The following ANGEL1 variants were observed in gnomAD, a reference collection of about 807,000 sequenced individuals.
The protein encoded by ANGEL1 is angel homolog 1, also known as RNA 2',3'-cyclic phosphatase ANGEL1.
In ANGEL1, 62 loss-of-function variants were observed where a neutral mutation model predicts 76.4. The ratio of observed to expected loss-of-function variants is 0.81; its 90% CI spans 0.66 to 1.00. The LOEUF (loss-of-function observed/expected upper bound fraction) is 1.00, where lower values mean the gene tolerates loss of function less well. Among genes scored for constraint, ANGEL1 ranks in the 50% least tolerant of loss-of-function variants. The probability of loss-of-function intolerance (pLI) is 0.00; values close to 1 mark genes in which losing one functional copy is unlikely to be tolerated. For missense variants in ANGEL1, 737 were observed against 836.7 expected (o/e 0.88, Z 1.47); for synonymous variants, 340 against 331.7 (o/e 1.03, Z -0.27).
At position 76,802,963 on chromosome 14, in the gene ANGEL1, T is replaced by C. The variant is rs549436273; in HGVS notation, c.1618+408A>G. 3.9e-5 allele frequency among the ~76,000 whole-genome samples: 6 copies of C among 152,350 alleles called. No homozygotes were observed. The South Asian group carries it at 1.2e-3, about 32-fold the overall frequency. On this transcript the variant is annotated intron_variant, in intron 7 of 9. Coordinates refer to ENST00000251089, the MANE Select transcript of ANGEL1 (RefSeq NM_015305.4). ...GACAAGAAGGGGAGAATGTCAAGTATACTCTGCTATATTCAATCTGAAATT... is the reference window on the plus strand; with the variant it reads ...GACAAGAAGGGGAGAATGTCAAGTACACTCTGCTATATTCAATCTGAAATT...
chr14:76,806,387 C>G (rs1160926360), intron 5 of ANGEL1, 29 bp downstream of exon 5: 8 of 1,592,538 alleles, frequency 5.0e-6, no homozygotes, highest in Non-Finnish European at 6.9e-6. Context: ...ACCATGTTCC[C>G]ACCCACACCG....
At position 76,806,771 on chromosome 14, in the gene ANGEL1, C is replaced by T. The variant is rs1177944029; in HGVS notation, c.1025G>A (p.Arg342His). 3 of 1,614,066 alleles carry T rather than the reference C, an allele frequency of 1.9e-6. No individual in the cohort carries two copies. Among genetic ancestry groups the T allele is most frequent in the Non-Finnish European group, 2.5e-6 (3 of 1,180,046 alleles). Residue 342 changes from arginine (R) to histidine (H), a missense_variant, in exon 5 of 10, where the codon CGC becomes CAC. Around this residue, in one of 2 missense-constraint regions of ANGEL1, gnomAD observed 441 missense variants for 449.5 expected, o/e 0.98. Transcript: ENST00000251089. ...CAVCYKPTRF[R>H]LLCASPVEYF... ...CTCCACAGGGCTAGCACAGAGCAGG[C>T]GGAATCTGGTAGGCTTGTAGCAGAC... is the stretch of plus-strand genomic sequence containing the variant.
chr14:76,789,360 G>C lies in ANGEL1; in HGVS notation c.1881C>G (p.Leu627=), dbSNP rs763498682. Residue 627 remains leucine (L), a synonymous_variant, in exon 10 of 10, where the codon CTC becomes CTG. Transcript: ENST00000251089. ...TDHRLYRDGT[L]KLLGRLSLLS... Reference sequence around the variant, plus strand: ...GAAGGGAGAGACGACCCAGGAGCTTGAGAGTTCCATCTCGATACAGCCTGT... The same window carrying C: ...GAAGGGAGAGACGACCCAGGAGCTTCAGAGTTCCATCTCGATACAGCCTGT... The C allele has an allele frequency of 6.2e-7, 1 of 1,614,094 alleles. No homozygotes were observed. The highest frequency in any genetic ancestry group is 1.3e-5 in the African/African-American group (1 of 74,944).
Position 76,786,617 on chromosome 14 carries a change from G to C in ANGEL1, c.*2611C>G, listed in dbSNP as rs1267883184. 6.6e-6 allele frequency: 1 copy of C among 152,232 alleles called. No individual in the cohort carries two copies. Among genetic ancestry groups the C allele is most frequent in the African/African-American group, 2.4e-5 (1 of 41,448 alleles). 9.4% of individuals were successfully genotyped at this position (152,232 alleles called of 1,614,324 possible). A position where few individuals can be genotyped will look rare whatever the true frequency, so the allele number is the denominator to read the frequency against. Reference sequence around the variant, plus strand: ...CCTGTTCAGGTAAGACAGAAAACCAGATCTGGTTTCAGGGCTCCCAGTGGG... The same window carrying C: ...CCTGTTCAGGTAAGACAGAAAACCACATCTGGTTTCAGGGCTCCCAGTGGG... On this transcript the variant is annotated 3_prime_UTR_variant, in exon 10 of 10. Transcript: ENST00000251089.
At chr14:76,789,731 G>A (rs528203140) in intron 9 of ANGEL1, among the ~76,000 whole-genome samples, 1 of 139,372 alleles carries the variant, frequency 7.2e-6, no homozygotes, top group South Asian at 2.2e-4. Context: ...GTCTTACTTC[G>A]TTGTCCAGGC....
At chr14:76,808,292 T>C in intron 2 of ANGEL1, 144 bp from the exon 3 acceptor site, 1 of 699,386 alleles carries the variant, frequency 1.4e-6, no homozygotes, top group Non-Finnish European at 2.4e-6. Flanking sequence ...GGGGAATTGA[T>C]TTCTATGGAC....
intron 6 of ANGEL1, 22 bp from the exon 7 acceptor site, chr14:76,803,503 A>C (rs1048901615): frequency 6.2e-7 from 1 of 1,610,594 alleles, no homozygotes; most frequent in African/African-American, 1.3e-5. Flanking sequence ...GAAAAGACAT[A>C]TAGTGAAAGA....
rs1894319229 is a variant in ANGEL1, at chr14:76,788,984, C to T, written c.*244G>A. Reference sequence around the variant, plus strand: ...AAGGAAGGGGGAGCCCCCCTTCTGCCTCTCCCAGGGCCACTGAGTGTGTGG... The same window carrying T: ...AAGGAAGGGGGAGCCCCCCTTCTGCTTCTCCCAGGGCCACTGAGTGTGTGG... On this transcript the variant is annotated 3_prime_UTR_variant, in exon 10 of 10. Transcript: ENST00000251089. 1 of 460,826 alleles carries T rather than the reference C, an allele frequency of 2.2e-6. No homozygotes were observed. Among genetic ancestry groups the T allele is most frequent in the South Asian group, 3.6e-5 (1 of 28,152 alleles). 28.5% of individuals were successfully genotyped at this position (460,826 alleles called of 1,614,324 possible).
intron 9 of ANGEL1, among the ~76,000 whole-genome samples, 177 bp from the exon 10 acceptor site, chr14:76,789,565 C>G (rs373642215): frequency 2.0e-5 from 3 of 152,132 alleles, no homozygotes; most frequent in African/African-American, 7.2e-5. Context: ...CAGAGATACT[C>G]CATAATATCA....
chr14:76,804,322 T>C (rs1365947435), intron 5 of ANGEL1: 1 of 1,111,652 alleles, frequency 9.0e-7, no homozygotes, highest in Non-Finnish European at 1.1e-6. Context: ...CCTGAACCTA[T>C]TACTGGGTAA....
intron 7 of ANGEL1, among the ~76,000 whole-genome samples, chr14:76,796,617 A>G (rs1207945789): frequency 6.6e-6 from 1 of 152,058 alleles, no homozygotes; most frequent in East Asian, 1.9e-4. Context: ...ATCAATTCCT[A>G]AGAATTTCCT....
rs548566082 is a variant in ANGEL1, at chr14:76,803,474, G to C, written c.1515C>G (p.Arg505=). 1.4e-5 allele frequency: 22 copies of C among 1,614,116 alleles called. No individual in the cohort carries two copies. The East Asian group carries it at 2.7e-4, about 20-fold the overall frequency. The change falls in exon 7 of 10, where the codon CGC becomes CGG. Residue 505 remains arginine, a synonymous_variant. Transcript: ENST00000251089. Reference sequence around the variant, plus strand: ...GTAGCAGGAAGTCTCGGCCATACTTGCGTCTCTCTGTAAACCAGGAAAAGA... The same window carrying C: ...GTAGCAGGAAGTCTCGGCCATACTTCCGTCTCTCTGTAAACCAGGAAAAGA... ...TSCHPKRSER[R]KYGRDFLLRF...
chr14:76,792,581 C>T (rs1209156651), intron 7 of ANGEL1, among the ~76,000 whole-genome samples: 2 of 152,024 alleles, frequency 1.3e-5, no homozygotes, highest in African/African-American at 4.8e-5. Flanking sequence ...CATGGTTTAA[C>T]ATCTGAAAAA....
intron 1 of ANGEL1, chr14:76,812,492 C>T (rs1214540896): frequency 8.2e-7 from 1 of 1,224,614 alleles, no homozygotes; most frequent in East Asian, 3.3e-5. Context: ...CCTGCCCGTC[C>T]ACAGCTCCTC....
intron 9 of ANGEL1, among the ~76,000 whole-genome samples, chr14:76,789,947 CT>C (rs1264530168): frequency 2.0e-5 from 3 of 151,432 alleles, no homozygotes; most frequent in Non-Finnish European, 2.9e-5. Flanking sequence ...TCACTGTAAC[CT>C]CTGCCTCCCG....
rs1895137677 is a variant in ANGEL1, at chr14:76,812,871, A to G, written c.-44T>C. ...GCCTCCGCTCCTCACTGCAGCCAGCAGGTCCTCCCTCAGCTCGGCCCCGCC... is the reference window on the plus strand; with the variant it reads ...GCCTCCGCTCCTCACTGCAGCCAGCGGGTCCTCCCTCAGCTCGGCCCCGCC... On this transcript the variant is annotated 5_prime_UTR_variant, in exon 1 of 10. Coordinates refer to ENST00000251089, the MANE Select transcript of ANGEL1 (RefSeq NM_015305.4). 4 of 1,477,838 alleles carry G rather than the reference A, an allele frequency of 2.7e-6. No individual in the cohort carries two copies. Among genetic ancestry groups the G allele is most frequent in the South Asian group, 2.6e-5 (2 of 77,170 alleles). The allele number at this position is 1,477,838 out of a possible 1,614,324, so 91.5% of individuals were successfully genotyped here. A position where few individuals can be genotyped will look rare whatever the true frequency, so the allele number is the denominator to read the frequency against.
intron 7 of ANGEL1, among the ~76,000 whole-genome samples, chr14:76,796,000 T>C (rs1894565432): frequency 6.6e-6 from 1 of 152,118 alleles, no homozygotes; most frequent in Non-Finnish European, 1.5e-5. Context: ...TCAGTTTCTT[T>C]CTTTTTTCTA....
In ANGEL1 at chr14:76,812,822, G is replaced by T; in HGVS notation, c.6C>A (p.Ile2=). M[I]ASCLCYLLLP... is the part of the protein sequence containing the mutation. ...GCAGCAGGTAACACAAGCACGACGC[G>T]ATCATGGCCGGCCGCCCGCGCCCGC... The change falls in exon 1 of 10, where the codon ATC becomes ATA. Residue 2 remains isoleucine, a synonymous_variant. Transcript: ENST00000251089. The T allele has an allele frequency of 1.3e-6, 2 of 1,513,354 alleles. No individual in the cohort carries two copies. The highest frequency in any genetic ancestry group is 8.8e-7 in the Non-Finnish European group (1 of 1,135,034). The allele number at this position is 1,513,354 out of a possible 1,614,324, so 93.7% of individuals were successfully genotyped here.
At chr14:76,789,472 G>A (rs777859365) in intron 9 of ANGEL1, 84 bp from the exon 10 acceptor site, 76 of 1,510,250 alleles carry the variant, frequency 5.0e-5, no homozygotes, top group East Asian at 3.2e-4. Flanking sequence ...CTTTGGGAAC[G>A]CCTTCTGCAG....
Sources: allele counts gnomAD v4.1 joint callset (sites outside exome capture counted in the v4.1 genomes callset), GRCh38; gene constraint gnomAD v4.1.1; regional missense constraint gnomAD v4.1.1; transcripts MANE v1.5; gene names NCBI Gene and HGNC (gene_info 2026-07-23, HGNC 2026-07-21).